Variants in INSL6 observed in about 807,000 individuals in gnomAD.
INSL6 encodes insulin like 6.
INSL6 carries 16 observed loss-of-function variants against 9.4 expected under a neutral mutation model. That is an observed-to-expected ratio of 1.70 (90% CI 1.15 to 2.59). The LOEUF (loss-of-function observed/expected upper bound fraction) is 2.59, where lower values mean the gene tolerates loss of function less well. Among genes scored for constraint, INSL6 ranks in the 30% most tolerant of loss-of-function variants. The pLI is 0.00. For synonymous variants in INSL6, 154 were observed against 96.9 expected, an observed-to-expected ratio of 1.59 and a Z score of -3.46; for missense variants, 391 against 257.3, an observed-to-expected ratio of 1.52 and a Z score of -3.56.
intron 2 of INSL6, among the ~76,000 whole-genome samples, chr9:5,153,046 G>C (rs1461409144): frequency 2.0e-5 from 3 of 152,144 alleles, no homozygotes; most frequent in Admixed American, 6.5e-5. Context: ...GCAATCCGCA[G>C]ACCAGGAGAT....
chr9:5,023,505 C>G, the INSL6 span, among the ~76,000 whole-genome samples: 1 of 152,116 alleles, frequency 6.6e-6, no homozygotes, highest in Admixed American at 6.5e-5. Context: ...CTCTGGGCAG[C>G]CCTCTATGTG....
chr9:5,113,060 C>T, the INSL6 span, among the ~76,000 whole-genome samples: 1 of 152,054 alleles, frequency 6.6e-6, no homozygotes, highest in Non-Finnish European at 1.5e-5. Context: ...CCAGGAGCTC[C>T]CTGGGACCCC....
chr9:5,070,420 TCA>T, the INSL6 span, among the ~76,000 whole-genome samples: 1 of 152,146 alleles, frequency 6.6e-6, no homozygotes, highest in African/African-American at 2.4e-5. Context: ...CAGCCATCTC[TCA>T]GTGTCCATGA....
At chr9:5,156,837 T>C (rs1392710745) in intron 2 of INSL6, among the ~76,000 whole-genome samples, 3 of 152,114 alleles carry the variant, frequency 2.0e-5, no homozygotes, top group Non-Finnish European at 4.4e-5. Context: ...TGTTACAGGA[T>C]ACAAACACAT....
At chr9:5,079,713 T>C in the INSL6 span, among the ~76,000 whole-genome samples, 2 of 152,132 alleles carry the variant, frequency 1.3e-5, no homozygotes, top group Admixed American at 1.3e-4. Flanking sequence ...GCTGATTGCT[T>C]CCTAAAGCGC....
At chr9:5,007,884 C>A in the INSL6 span, among the ~76,000 whole-genome samples, 3 of 151,994 alleles carry the variant, frequency 2.0e-5, no homozygotes, top group Admixed American at 6.6e-5. Context: ...CGTGCCACCA[C>A]GCCTGGCTAA....
At chr9:5,015,655 T>C in the INSL6 span, among the ~76,000 whole-genome samples, 1 of 152,090 alleles carries the variant, frequency 6.6e-6, no homozygotes, top group Non-Finnish European at 1.5e-5. Context: ...ATCCTATTGT[T>C]TTCTTTCTCG....
At chr9:5,183,687 G>C (rs182174681) in intron 1 of INSL6, among the ~76,000 whole-genome samples, 32 of 152,174 alleles carry the variant, frequency 2.1e-4, no homozygotes, top group African/African-American at 7.2e-4. Context: ...TATTTGATGT[G>C]AGAGAAATGC....
intron 1 of INSL6, among the ~76,000 whole-genome samples, chr9:5,178,350 C>T (rs968272759): frequency 4.6e-5 from 7 of 152,104 alleles, no homozygotes; most frequent in African/African-American, 1.7e-4. Flanking sequence ...TCAGCTGTTC[C>T]AGCTTGCTGG....
chr9:5,131,808 A>G (rs1187418660), intron 3 of INSL6, among the ~76,000 whole-genome samples: 1 of 152,198 alleles, frequency 6.6e-6, no homozygotes, highest in Admixed American at 6.5e-5. Context: ...GGGAGCCCAC[A>G]GCTAAACGAC....
At chr9:5,064,010 G>A in the INSL6 span, among the ~76,000 whole-genome samples, 2 of 152,074 alleles carry the variant, frequency 1.3e-5, no homozygotes, top group African/African-American at 4.8e-5. Flanking sequence ...ACAAAAATTA[G>A]CCGGGCGTCT....
the INSL6 span, chr9:5,098,049 C>T: frequency 6.6e-6 from 1 of 152,142 alleles, no homozygotes; most frequent in Non-Finnish European, 1.5e-5. Flanking sequence ...TCATTAGCAG[C>T]AGTTATGCTA....
the INSL6 span, chr9:5,086,204 C>A: frequency 3.4e-6 from 2 of 586,134 alleles, no homozygotes; most frequent in Non-Finnish European, 4.4e-6. Context: ...CCGCCCCCGC[C>A]ACCAGCGCGA....
chr9:5,172,486 T>G (rs1226517539), intron 1 of INSL6, among the ~76,000 whole-genome samples: 1 of 152,214 alleles, frequency 6.6e-6, no homozygotes, highest in Admixed American at 6.5e-5. Flanking sequence ...AAAGAACTTC[T>G]GCACAGCAAA....
chr9:5,091,500 AT>A, the INSL6 span: 3 of 151,764 alleles, frequency 2.0e-5, no homozygotes, highest in Non-Finnish European at 4.4e-5. Flanking sequence ...ATTCATGAGG[AT>A]TTTGTAGGTG....
chr9:5,027,361 C>T, the INSL6 span, among the ~76,000 whole-genome samples: 3 of 152,010 alleles, frequency 2.0e-5, no homozygotes, highest in African/African-American at 7.2e-5. Flanking sequence ...ATATTATGTC[C>T]AAAAAAGTAC....
In INSL6 at chr9:5,185,348, G is replaced by C. The variant is rs760910530; in HGVS notation, c.255C>G (p.Thr85=). ...YSPYQFESPQ[T]ASPARGRGTN... ...TGCCTCTTCCCCGGGCCGGGGAAGC[G>C]GTTTGCGGGCTTTCGAACTGGTATG... Residue 85 remains threonine, a synonymous_variant, in exon 1 of 2, where the codon ACC becomes ACG. Transcript: ENST00000381641. The C allele has an allele frequency of 1.8e-5, 29 of 1,613,990 alleles. No individual in the cohort carries two copies. The East Asian group carries it at 5.8e-4, about 32-fold the overall frequency.
At chr9:5,088,167 A>C in the INSL6 span, among the ~76,000 whole-genome samples, 1 of 152,092 alleles carries the variant, frequency 6.6e-6, no homozygotes. Context: ...GTCCGCGGTC[A>C]CAGAGAGAGC....
chr9:5,017,369 C>T, the INSL6 span, among the ~76,000 whole-genome samples: 1 of 152,198 alleles, frequency 6.6e-6, no homozygotes, highest in Non-Finnish European at 1.5e-5. Context: ...TGATAAAATT[C>T]TAGCAAATTT....
Sources: allele counts gnomAD v4.1 joint callset (sites outside exome capture counted in the v4.1 genomes callset), GRCh38; gene constraint gnomAD v4.1.1; transcripts MANE v1.5; gene names NCBI Gene and HGNC (gene_info 2026-07-23, HGNC 2026-07-21).